PLXNC1: variants seen among roughly 807,000 people sequenced by gnomAD.
PLXNC1 encodes the protein plexin-C1.
In PLXNC1, 75 loss-of-function variants were observed where a neutral mutation model predicts 178.2. The observed-to-expected ratio is 0.42, with a 90% CI of 0.35 to 0.51. The LOEUF (loss-of-function observed/expected upper bound fraction) is 0.51, where lower values mean the gene tolerates loss of function less well. Ranked by LOEUF, PLXNC1 falls within the 20% of genes least tolerant of loss-of-function variation. The pLI is 0.02. For missense variants in PLXNC1, 1,503 were observed against 1,984.4 expected, an observed-to-expected ratio of 0.76 and a Z score of 4.61; for synonymous variants, 790 against 779.9, an observed-to-expected ratio of 1.01 and a Z score of -0.22.
intron 20 of PLXNC1, among the ~76,000 whole-genome samples, chr12:94,261,106 A>T (rs148699596): frequency 2.6e-5 from 4 of 152,350 alleles, no homozygotes; most frequent in African/African-American, 9.6e-5. Flanking sequence ...ATTCACACCC[A>T]GAGCCCAGTC....
intron 23 of PLXNC1, among the ~76,000 whole-genome samples, chr12:94,287,037 A>G (rs1201825773): frequency 1.3e-5 from 2 of 152,186 alleles, no homozygotes; most frequent in East Asian, 1.9e-4. Context: ...TTCCATGACA[A>G]TAACCATGGC....
At chr12:94,169,813 T>G (rs1041597123) in intron 2 of PLXNC1, among the ~76,000 whole-genome samples, 1 of 152,178 alleles carries the variant, frequency 6.6e-6, no homozygotes, top group African/African-American at 2.4e-5. Context: ...AGGTTAGAGA[T>G]CTAAAATCCT....
At chr12:94,266,861 A>G (rs569271020) in intron 21 of PLXNC1, among the ~76,000 whole-genome samples, 1 of 152,310 alleles carries the variant, frequency 6.6e-6, no homozygotes, top group South Asian at 2.1e-4. Context: ...ATCTCATTGA[A>G]CCCTTGTTTA....
chr12:94,288,775 A>G (rs1565863768), intron 23 of PLXNC1, among the ~76,000 whole-genome samples: 1 of 152,224 alleles, frequency 6.6e-6, no homozygotes, highest in Non-Finnish European at 1.5e-5. Context: ...ACGGAGGGAG[A>G]GCAATATTGG....
intron 5 of PLXNC1, among the ~76,000 whole-genome samples, chr12:94,217,681 A>G (rs1437207446): frequency 1.3e-5 from 2 of 152,056 alleles, no homozygotes; most frequent in East Asian, 3.9e-4. Context: ...GCCCCATGCC[A>G]CTTCTAAGGG....
intron 4 of PLXNC1, among the ~76,000 whole-genome samples, chr12:94,204,282 G>A (rs1273449009): frequency 6.6e-6 from 1 of 152,178 alleles, no homozygotes; most frequent in Non-Finnish European, 1.5e-5. Flanking sequence ...CTATCCCTGT[G>A]ACCTTAGGAA....
chr12:94,232,938 T>C (rs1049742515), intron 9 of PLXNC1, among the ~76,000 whole-genome samples: 2 of 152,204 alleles, frequency 1.3e-5, no homozygotes, highest in African/African-American at 4.8e-5. Flanking sequence ...TTACCCTACA[T>C]TGTATGCCCT....
chr12:94,231,220 C>T (rs1964090694), intron 9 of PLXNC1, among the ~76,000 whole-genome samples: 1 of 152,064 alleles, frequency 6.6e-6, no homozygotes. Flanking sequence ...CATTTCAGCC[C>T]ACCTTTGAGG....
chr12:94,219,866 C>T (rs1963745581), intron 5 of PLXNC1, 150 bp from the exon 6 acceptor site: 1 of 423,578 alleles, frequency 2.4e-6, no homozygotes. Flanking sequence ...GTGTCTTGCT[C>T]TGTCACCCAG....
intron 21 of PLXNC1, among the ~76,000 whole-genome samples, chr12:94,276,625 T>C (rs1276169329): frequency 1.7e-4 from 26 of 152,192 alleles, no homozygotes; most frequent in Admixed American, 1.7e-3. Flanking sequence ...CCTCTGTGCC[T>C]CAGTTCCCTC....
chr12:94,289,089 C>G (rs1277075156), intron 23 of PLXNC1, among the ~76,000 whole-genome samples: 1 of 152,172 alleles, frequency 6.6e-6, no homozygotes, highest in Non-Finnish European at 1.5e-5. Flanking sequence ...TAAGTTCAAC[C>G]TTACATTTCT....
intron 23 of PLXNC1, among the ~76,000 whole-genome samples, chr12:94,288,289 C>G (rs956491728): frequency 6.6e-6 from 1 of 152,204 alleles, no homozygotes; most frequent in African/African-American, 2.4e-5. Context: ...GTGAAGATGA[C>G]AGTTACCTTC....
intron 11 of PLXNC1, among the ~76,000 whole-genome samples, 183 bp downstream of exon 11, chr12:94,240,847 C>T (rs1216313742): frequency 6.6e-6 from 1 of 152,198 alleles, no homozygotes; most frequent in Non-Finnish European, 1.5e-5. Flanking sequence ...CCATGCTCAT[C>T]GTGAATGCTA....
chr12:94,274,642 C>T (rs1965805912), intron 21 of PLXNC1, among the ~76,000 whole-genome samples: 1 of 152,206 alleles, frequency 6.6e-6, no homozygotes, highest in Non-Finnish European at 1.5e-5. Flanking sequence ...AGCTCTTTAG[C>T]CTTTCATGGG....
chr12:94,216,111 C>CA (rs1225323285), intron 5 of PLXNC1, among the ~76,000 whole-genome samples: 2 of 151,716 alleles, frequency 1.3e-5, no homozygotes, highest in Non-Finnish European at 2.9e-5. Flanking sequence ...ACTACAAATA[C>CA]AAAAAAATTA....
chr12:94,197,820 T>C (rs555996086), intron 4 of PLXNC1, among the ~76,000 whole-genome samples: 2 of 152,222 alleles, frequency 1.3e-5, no homozygotes, highest in South Asian at 4.2e-4. Context: ...ACATTATCCC[T>C]CATGGCAGTG....
At chr12:94,233,469 G>A (rs530130487) in intron 9 of PLXNC1, among the ~76,000 whole-genome samples, 40 of 152,324 alleles carry the variant, frequency 2.6e-4, no homozygotes, top group Non-Finnish European at 3.8e-4. Flanking sequence ...CAGGTTGTTC[G>A]GAGGGTGGGC....
At chr12:94,213,463 G>A (rs1027957305) in intron 5 of PLXNC1, among the ~76,000 whole-genome samples, 1 of 152,198 alleles carries the variant, frequency 6.6e-6, no homozygotes, top group Non-Finnish European at 1.5e-5. Context: ...TTTGAGAAGT[G>A]CCTGTTCATA....
rs775451069 is a variant in PLXNC1, at chr12:94,247,883, A to T, written c.2389-20A>T. The T allele has an allele frequency of 6.2e-7, 1 of 1,610,480 alleles. No individual in the cohort carries two copies. The highest frequency in any genetic ancestry group is 1.7e-5 in the Admixed American group (1 of 59,894). ...GATTCGTTAACAAAGTTACTAAAAC[A>T]TTCTTTTCTTTTTGTCCAGGTCTCT... On this transcript the variant is annotated intron_variant, in intron 12 of 30. Coordinates refer to ENST00000258526, the MANE Select transcript of PLXNC1 (RefSeq NM_005761.3).
Sources: allele counts gnomAD v4.1 joint callset (sites outside exome capture counted in the v4.1 genomes callset), GRCh38; gene constraint gnomAD v4.1.1; transcripts MANE v1.5; gene names NCBI Gene and HGNC (gene_info 2026-07-23, HGNC 2026-07-21).